Variants in ROBO1 observed in about 807,000 individuals in gnomAD.
ROBO1 encodes roundabout guidance receptor 1.
A neutral mutation model predicts 195.9 loss-of-function variants in ROBO1; 149 were observed. That is an observed-to-expected ratio of 0.76 (90% CI 0.67 to 0.87). The LOEUF is 0.87. Ranked by LOEUF, ROBO1 falls within the 40% of genes least tolerant of loss-of-function variation. The probability of loss-of-function intolerance (pLI) is 0.00; values close to 1 mark genes in which losing one functional copy is unlikely to be tolerated. For synonymous variants in ROBO1, 816 were observed against 733.2 expected (o/e 1.11, Z -1.82); for missense variants, 1,933 against 2,068.3 (o/e 0.93, Z 1.27).
intron 2 of ROBO1, among the ~76,000 whole-genome samples, chr3:79,480,186 T>C (rs1559929226): frequency 6.6e-6 from 1 of 152,166 alleles, no homozygotes; most frequent in East Asian, 1.9e-4. Context: ...CCAAATACTC[T>C]CTTATTAAAG....
intron 2 of ROBO1, among the ~76,000 whole-genome samples, chr3:79,235,315 G>T (rs1468902906): frequency 1.3e-5 from 2 of 151,998 alleles, no homozygotes; most frequent in African/African-American, 2.4e-5. Flanking sequence ...TTGCATTTGG[G>T]GAGTGATATT....
At chr3:78,848,085 G>A (rs1321878071) in intron 4 of ROBO1, among the ~76,000 whole-genome samples, 1 of 152,046 alleles carries the variant, frequency 6.6e-6, no homozygotes. Flanking sequence ...AAAACAAACT[G>A]CAGTAACACT....
intron 1 of ROBO1, among the ~76,000 whole-genome samples, chr3:79,737,456 TCAA>T (rs1703436212): frequency 6.6e-6 from 1 of 152,106 alleles, no homozygotes; most frequent in African/African-American, 2.4e-5. Context: ...GTTAATCAAC[TCAA>T]CAAATATATT....
At chr3:78,821,573 C>T (rs1159921210) in intron 4 of ROBO1, among the ~76,000 whole-genome samples, 1 of 152,048 alleles carries the variant, frequency 6.6e-6, no homozygotes, top group East Asian at 1.9e-4. Context: ...TCGCTTTTCA[C>T]ATGTAAAAGA....
intron 5 of ROBO1, among the ~76,000 whole-genome samples, chr3:78,736,385 T>C (rs1219766727): frequency 6.6e-6 from 1 of 152,140 alleles, no homozygotes; most frequent in Non-Finnish European, 1.5e-5. Context: ...GAATAGATTA[T>C]AAGAGAAGTA....
intron 3 of ROBO1, among the ~76,000 whole-genome samples, chr3:79,091,437 T>G (rs2079478401): frequency 6.6e-6 from 1 of 152,140 alleles, no homozygotes; most frequent in Non-Finnish European, 1.5e-5. Flanking sequence ...AAGTATAAAA[T>G]AATTCCATCA....
intron 2 of ROBO1, among the ~76,000 whole-genome samples, chr3:79,420,979 G>A (rs886478229): frequency 1.4e-4 from 22 of 151,984 alleles, no homozygotes; most frequent in Admixed American, 1.3e-3. Flanking sequence ...CAACCTAAAC[G>A]TCCATCATTG....
intron 1 of ROBO1, among the ~76,000 whole-genome samples, chr3:79,658,592 T>C (rs1339309246): frequency 1.3e-5 from 2 of 152,070 alleles, no homozygotes; most frequent in East Asian, 3.9e-4. Flanking sequence ...ACTTTTTTAT[T>C]TTTAATTTTT....
At chr3:79,169,909 G>A (rs992407937) in intron 2 of ROBO1, among the ~76,000 whole-genome samples, 8 of 152,050 alleles carry the variant, frequency 5.3e-5, no homozygotes, top group African/African-American at 1.7e-4. Context: ...ACTTAAAGAG[G>A]TAAATTTTAT....
chr3:78,962,103 A>C (rs2041381959), intron 3 of ROBO1, among the ~76,000 whole-genome samples: 2 of 152,176 alleles, frequency 1.3e-5, no homozygotes, highest in South Asian at 4.1e-4. Context: ...AAAATACTTG[A>C]TCAAAGTTGA....
intron 11 of ROBO1, among the ~76,000 whole-genome samples, chr3:78,669,345 G>A (rs553610189): frequency 6.6e-6 from 1 of 152,320 alleles, no homozygotes; most frequent in South Asian, 2.1e-4. Flanking sequence ...CATATTAACT[G>A]TTGTGGCACT....
At position 79,412,874 on chromosome 3, in the gene ROBO1, A is replaced by ATTTTTTTTTTTT. The variant is rs1167482550; in HGVS notation, c.88+176938_88+176949dup. Among the ~76,000 whole-genome samples, 60 of 38,342 alleles carry ATTTTTTTTTTTT rather than the reference A, an allele frequency of 1.6e-3. 17 individuals are homozygous for ATTTTTTTTTTTT. The highest frequency in any genetic ancestry group is 2.0e-3 in the African/African-American group (16 of 8,182). 25.2% of individuals were successfully genotyped at this position (38,342 alleles called of 152,430 possible). ...AATGATTTTATTGCCTCATGAGCTG[A>ATTTTTTTTTTTT]TTTTTTTTTTTTTTTTTTTTTTTTT... On this transcript the variant is annotated intron_variant, in intron 2 of 30. Transcript: ENST00000464233.
intron 3 of ROBO1, among the ~76,000 whole-genome samples, chr3:78,954,871 AACT>A (rs1464355839): frequency 2.0e-5 from 3 of 152,116 alleles, no homozygotes; most frequent in African/African-American, 7.2e-5. Context: ...TGCTTAACAA[AACT>A]ACTTTGTTCT....
chr3:78,794,446 G>A (rs1428556334), intron 4 of ROBO1, among the ~76,000 whole-genome samples: 1 of 152,046 alleles, frequency 6.6e-6, no homozygotes, highest in African/African-American at 2.4e-5. Context: ...GAGTTGGAAG[G>A]GGGCCCTTAT....
At chr3:79,714,260 A>T (rs1384307038) in intron 1 of ROBO1, among the ~76,000 whole-genome samples, 6 of 152,310 alleles carry the variant, frequency 3.9e-5, no homozygotes, top group African/African-American at 1.2e-4. Flanking sequence ...ATTCATCATC[A>T]CTGGCCATCA....
intron 1 of ROBO1, among the ~76,000 whole-genome samples, chr3:79,693,086 G>A (rs1947340985): frequency 6.6e-6 from 1 of 151,672 alleles, no homozygotes; most frequent in Non-Finnish European, 1.5e-5. Flanking sequence ...GATTATGGAT[G>A]TTCTGCTTGT....
At chr3:78,822,192 A>G (rs1489962980) in intron 4 of ROBO1, among the ~76,000 whole-genome samples, 2 of 152,152 alleles carry the variant, frequency 1.3e-5, no homozygotes, top group African/African-American at 4.8e-5. Flanking sequence ...CAGTACAAGC[A>G]TGGGGACACA....
intron 1 of ROBO1, among the ~76,000 whole-genome samples, chr3:79,722,310 A>T (rs1447796146): frequency 6.6e-6 from 1 of 152,250 alleles, no homozygotes; most frequent in East Asian, 1.9e-4. Flanking sequence ...CTTGCAATTA[A>T]GTAATTCAAT....
chr3:79,565,424 A>G (rs780582485), intron 2 of ROBO1, among the ~76,000 whole-genome samples: 39 of 152,072 alleles, frequency 2.6e-4, no homozygotes, highest in Non-Finnish European at 4.3e-4. Context: ...GTACATTAAG[A>G]AATTAAATAA....
Sources: gnomAD v4.1 joint callset for allele counts (sites outside exome capture counted in the v4.1 genomes callset) on GRCh38, gnomAD v4.1.1 for gene constraint, MANE v1.5 for transcripts, NCBI Gene and HGNC (gene_info 2026-07-23, HGNC 2026-07-21) for gene names.